PKNOX2: variants seen among roughly 807,000 people sequenced by gnomAD.
PKNOX2 encodes the protein homeobox protein PKNOX2.
A neutral mutation model predicts 53.1 loss-of-function variants in PKNOX2; 14 were observed. The ratio of observed to expected loss-of-function variants is 0.26; its 90% CI spans 0.17 to 0.41. PKNOX2 has a LOEUF of 0.41. PKNOX2 is among the 10% of genes least tolerant of loss of function. The pLI is 1.00. For missense variants in PKNOX2, 496 were observed against 602.8 expected (o/e 0.82, Z 1.85); for synonymous variants, 257 against 242.8 (o/e 1.06, Z -0.54).
intron 2 of PKNOX2, among the ~76,000 whole-genome samples, chr11:125,283,640 A>G (rs1163802771): frequency 6.6e-6 from 1 of 152,216 alleles, no homozygotes; most frequent in African/African-American, 2.4e-5. Context: ...AGGAAGTAGA[A>G]ATCAGAGAGC....
At position 125,398,040 on chromosome 11, in the gene PKNOX2, C is replaced by T. The variant is rs766384614; in HGVS notation, c.566C>T (p.Pro189Leu). 1.2e-6 allele frequency: 2 copies of T among 1,612,174 alleles called. No homozygotes were observed. The highest frequency in any genetic ancestry group is 2.2e-5 in the East Asian group (1 of 44,866). The change falls in exon 7 of 13, where the codon CCC (proline) becomes CTC (leucine). Residue 189 changes from proline (P) to leucine (L), a missense_variant. Physicochemically the swap from Pro to Leu is moderately conservative, Grantham distance 98. This residue lies in a region of PKNOX2 where 141 missense variants were observed against 143.9 expected (regional missense o/e 0.98). Coordinates refer to ENST00000298282, the MANE Select transcript of PKNOX2 (RefSeq NM_001382323.2). ...GGGGGGCCCTACTCCCCCAACCAGC[C>T]CTCCATCAACCTTCACTCACAGGTA... Reference protein sequence around the residue: ...DLGGPYSPNQPSINLHSQDLL... With the variant: ...DLGGPYSPNQLSINLHSQDLL...
intron 1 of PKNOX2, chr11:125,191,150 T>C (rs569572735): frequency 6.6e-6 from 1 of 152,346 alleles, no homozygotes; most frequent in East Asian, 1.9e-4. Flanking sequence ...ACATAGCTTA[T>C]ACTCTTATTT....
At chr11:125,251,057 C>A (rs1033755359) in intron 2 of PKNOX2, among the ~76,000 whole-genome samples, 3 of 152,228 alleles carry the variant, frequency 2.0e-5, no homozygotes, top group African/African-American at 7.2e-5. Context: ...CCCTCCACCC[C>A]CTGGCAGCTT....
intron 5 of PKNOX2, 151 bp from the exon 6 acceptor site, chr11:125,385,400 A>T: frequency 1.2e-6 from 1 of 846,244 alleles, no homozygotes; most frequent in Non-Finnish European, 1.7e-6. Flanking sequence ...GCTGCCATCT[A>T]GATTGACCAT....
intron 3 of PKNOX2, among the ~76,000 whole-genome samples, chr11:125,337,579 A>G (rs1001880802): frequency 6.6e-6 from 1 of 152,144 alleles, no homozygotes; most frequent in Non-Finnish European, 1.5e-5. Context: ...TTTTCCCATT[A>G]AAGTTCTGAT....
chr11:125,302,778 C>T (rs750337), intron 2 of PKNOX2, among the ~76,000 whole-genome samples: 79,251 of 152,034 alleles, frequency 0.52, 22,645 homozygotes, highest in East Asian at 0.79. Context: ...AGGGAGGTGC[C>T]GTGTTCCCTC....
chr11:125,427,615 G>A (rs968521634), intron 10 of PKNOX2, among the ~76,000 whole-genome samples: 5 of 152,076 alleles, frequency 3.3e-5, no homozygotes, highest in East Asian at 1.9e-4. Context: ...GTTAGGTGAC[G>A]TGCCTGAGAT....
chr11:125,170,550 A>G (rs944792029), intron 1 of PKNOX2, among the ~76,000 whole-genome samples: 7 of 152,220 alleles, frequency 4.6e-5, no homozygotes, highest in Non-Finnish European at 7.3e-5. Flanking sequence ...CACGCGGTCA[A>G]GCAGAGCTTG....
chr11:125,261,055 A>G (rs1450488229), intron 2 of PKNOX2, among the ~76,000 whole-genome samples: 1 of 152,184 alleles, frequency 6.6e-6, no homozygotes, highest in Non-Finnish European at 1.5e-5. Context: ...AGGGATTTAA[A>G]TGAGATACTG....
At chr11:125,413,574 C>A (rs756649364) in intron 10 of PKNOX2, among the ~76,000 whole-genome samples, 2 of 152,176 alleles carry the variant, frequency 1.3e-5, no homozygotes, top group Non-Finnish European at 2.9e-5. Context: ...GGGTGACATA[C>A]GATGCAGGGT....
rs1954756238 is a variant in PKNOX2, at chr11:125,165,100, G to A, written c.-201+324G>A. Among the ~76,000 whole-genome samples the A allele has an allele frequency of 6.7e-6, 1 of 149,114 alleles. No individual in the cohort carries two copies. Among genetic ancestry groups the A allele is most frequent in the South Asian group, 2.1e-4 (1 of 4,816 alleles). On this transcript the variant is annotated intron_variant, in intron 1 of 12. Coordinates refer to ENST00000298282, the MANE Select transcript of PKNOX2 (RefSeq NM_001382323.2). This position sits in a 1 kb window ranked among gnomAD's most constrained non-coding sequence, Gnocchi z 4.5. ...CGGCGAGGCCGGGCACGGAGGCTGC[G>A]AGAGCCCCGCGGGCCGCCCGCTCCC...
At chr11:125,310,891 G>T (rs1230196668) in intron 2 of PKNOX2, among the ~76,000 whole-genome samples, 1 of 151,802 alleles carries the variant, frequency 6.6e-6, no homozygotes. Flanking sequence ...TCAATCGTTT[G>T]CTTTCCTTCT....
chr11:125,202,556 G>C (rs1317181626), intron 1 of PKNOX2, among the ~76,000 whole-genome samples: 1 of 152,198 alleles, frequency 6.6e-6, no homozygotes, highest in Non-Finnish European at 1.5e-5. Flanking sequence ...ACACAGAAGG[G>C]CTGAAACTGG....
intron 1 of PKNOX2, among the ~76,000 whole-genome samples, chr11:125,215,536 G>A (rs1400099803): frequency 6.6e-6 from 1 of 152,028 alleles, no homozygotes; most frequent in Non-Finnish European, 1.5e-5. Flanking sequence ...CGGATCACCT[G>A]AGGTCAGGAG....
chr11:125,173,916 G>A (rs1955510794), intron 1 of PKNOX2, among the ~76,000 whole-genome samples: 1 of 152,188 alleles, frequency 6.6e-6, no homozygotes, highest in African/African-American at 2.4e-5. Flanking sequence ...TAAGGGGAGG[G>A]CACAGGCTCT....
chr11:125,341,422 T>C (rs1950681094), intron 3 of PKNOX2, among the ~76,000 whole-genome samples: 1 of 151,766 alleles, frequency 6.6e-6, no homozygotes, highest in Admixed American at 6.6e-5. Context: ...TAACCATGTA[T>C]ATATATTGAG....
intron 10 of PKNOX2, among the ~76,000 whole-genome samples, chr11:125,416,931 T>TAG (rs887311591): frequency 1.3e-5 from 2 of 152,008 alleles, no homozygotes; most frequent in African/African-American, 4.8e-5. Flanking sequence ...ATTCAGATGA[T>TAG]AGAAGGCTCC....
At chr11:125,395,347 T>C (rs547678494) in intron 6 of PKNOX2, among the ~76,000 whole-genome samples, 1 of 152,256 alleles carries the variant, frequency 6.6e-6, no homozygotes, top group Non-Finnish European at 1.5e-5. Flanking sequence ...TTGTTTCCGA[T>C]TTTTGACTAT....
intron 10 of PKNOX2, 46 bp from the exon 11 acceptor site, chr11:125,428,966 G>T (rs772881251): frequency 6.4e-7 from 1 of 1,559,288 alleles, no homozygotes; most frequent in Admixed American, 1.7e-5. Context: ...GGGGGGGCCA[G>T]ATCAGCATAT....
Sources: allele counts gnomAD v4.1 joint callset (sites outside exome capture counted in the v4.1 genomes callset), GRCh38; gene constraint gnomAD v4.1.1; regional missense constraint gnomAD v4.1.1; non-coding constraint Gnocchi (gnomAD v3.1); transcripts MANE v1.5; gene names NCBI Gene and HGNC (gene_info 2026-07-23, HGNC 2026-07-21).